GOLM2: variants seen among roughly 807,000 people sequenced by gnomAD.
GOLM2 encodes golgi membrane protein 2, also known as protein GOLM2.
GOLM2 carries 26 observed loss-of-function variants against 55.9 expected under a neutral mutation model. The observed-to-expected ratio is 0.47, with a 90% CI of 0.34 to 0.65. The LOEUF (loss-of-function observed/expected upper bound fraction) is 0.65. Ranked by LOEUF, GOLM2 falls within the 30% of genes least tolerant of loss-of-function variation. The pLI is 0.01. For synonymous variants in GOLM2, 165 were observed against 194.6 expected, an observed-to-expected ratio of 0.85 and a Z score of 1.27; for missense variants, 486 against 531.8, an observed-to-expected ratio of 0.91 and a Z score of 0.85.
intron 6 of GOLM2, among the ~76,000 whole-genome samples, chr15:44,347,658 A>G (rs776175993): frequency 2.5e-4 from 38 of 152,170 alleles, no homozygotes; most frequent in Non-Finnish European, 5.0e-4. Flanking sequence ...GGCAAGTACT[A>G]GAGTAGTGCT....
At chr15:44,391,927 C>T (rs8028622) in intron 8 of GOLM2, among the ~76,000 whole-genome samples, 12 of 151,894 alleles carry the variant, frequency 7.9e-5, no homozygotes, top group African/African-American at 2.2e-4. Flanking sequence ...CTCAGCTCAC[C>T]GCAACCTCTG....
intron 4 of GOLM2, among the ~76,000 whole-genome samples, chr15:44,335,916 G>A (rs949614843): frequency 6.0e-5 from 9 of 150,354 alleles, no homozygotes; most frequent in African/African-American, 2.2e-4. Context: ...CCGGGTTCAA[G>A]CGATTCTCCT....
At chr15:44,292,202 T>TA (rs1491250115) in intron 1 of GOLM2, among the ~76,000 whole-genome samples, 2,309 of 113,040 alleles carry the variant, frequency 0.02, 41 homozygotes, top group African/African-American at 0.095. Flanking sequence ...TATATATATA[T>TA]TTTTTTTTTT....
chr15:44,365,422 G>A (rs1375838550), intron 6 of GOLM2, among the ~76,000 whole-genome samples: 1 of 152,048 alleles, frequency 6.6e-6, no homozygotes, highest in Non-Finnish European at 1.5e-5. Flanking sequence ...AGCTACCCAG[G>A]ACGCTGAGGT....
At chr15:44,321,467 CAA>C (rs35260808) in intron 1 of GOLM2, among the ~76,000 whole-genome samples, 928 of 32,620 alleles carry the variant, frequency 0.028, 7 homozygotes, top group African/African-American at 0.046. Flanking sequence ...GAACATGTCT[CAA>C]AAAAAAAAAA....
At chr15:44,403,125 A>G in intron 9 of GOLM2, 71 bp downstream of exon 9, 1 of 1,565,026 alleles carries the variant, frequency 6.4e-7, no homozygotes, top group Non-Finnish European at 8.8e-7. Context: ...GAATTTGTGT[A>G]GAATTTCCCC....
chr15:44,338,200 A>G (rs759539848), intron 5 of GOLM2, 37 bp from the exon 6 acceptor site: 1 of 1,579,112 alleles, frequency 6.3e-7, no homozygotes, highest in Non-Finnish European at 8.7e-7. Flanking sequence ...TTATGTAAGA[A>G]AAACGATAGA....
intron 7 of GOLM2, 45 bp downstream of exon 7, chr15:44,379,833 A>G (rs2079390550): frequency 9.5e-7 from 1 of 1,048,198 alleles, no homozygotes; most frequent in East Asian, 2.4e-5. Context: ...CCAACTTACT[A>G]GTCATGTACA....
At chr15:44,310,854 T>C (rs1391498570) in intron 1 of GOLM2, among the ~76,000 whole-genome samples, 1 of 151,934 alleles carries the variant, frequency 6.6e-6, no homozygotes, top group East Asian at 1.9e-4. Context: ...CCATATCTAC[T>C]AAAAATACAA....
Position 44,413,618 on chromosome 15 carries a change from G to C in GOLM2, c.*212G>C, listed in dbSNP as rs117511094. The C allele has an allele frequency of 6.9e-6, 3 of 433,238 alleles. No homozygotes were observed. The highest frequency in any genetic ancestry group is 1.3e-5 in the Non-Finnish European group (3 of 239,520). 26.8% of individuals were successfully genotyped at this position (433,238 alleles called of 1,614,324 possible). On this transcript the variant is annotated 3_prime_UTR_variant, in exon 10 of 10. Coordinates refer to ENST00000299957, the MANE Select transcript of GOLM2 (RefSeq NM_138423.4). ...TCAAGGTATAGACTTTTTTGGTTAT[G>C]ATACAGTTAAGCCAAAAACAGCTAA...
chr15:44,401,203 C>T (rs1338770935), intron 8 of GOLM2, among the ~76,000 whole-genome samples: 1 of 152,096 alleles, frequency 6.6e-6, no homozygotes, highest in Non-Finnish European at 1.5e-5. Flanking sequence ...CCTCAAACTC[C>T]TGACCTCAAA....
At chr15:44,382,006 T>C (rs1046246318) in intron 8 of GOLM2, 1 of 152,168 alleles carries the variant, frequency 6.6e-6, no homozygotes, top group Non-Finnish European at 1.5e-5. Flanking sequence ...TATTCATATA[T>C]GTGAATGTAT....
chr15:44,323,818 T>C (rs2078966249), intron 2 of GOLM2, among the ~76,000 whole-genome samples: 1 of 152,358 alleles, frequency 6.6e-6, no homozygotes, highest in South Asian at 2.1e-4. Context: ...TCTATTTTTA[T>C]TGTCCTCTCG....
intron 6 of GOLM2, among the ~76,000 whole-genome samples, chr15:44,362,083 TATC>T (rs1361112344): frequency 5.3e-5 from 8 of 151,350 alleles, no homozygotes; most frequent in Non-Finnish European, 1.2e-4. Context: ...CCACAGCCAA[TATC>T]ATACTGAATG....
At chr15:44,368,802 T>C (rs2079303849) in intron 6 of GOLM2, among the ~76,000 whole-genome samples, 1 of 151,192 alleles carries the variant, frequency 6.6e-6, no homozygotes, top group African/African-American at 2.4e-5. Context: ...TTTTCACAAG[T>C]GGATCACCTC....
In GOLM2 at chr15:44,338,246, A is replaced by G; in HGVS notation, c.731A>G (p.Lys244Arg). 1 of 1,613,602 alleles carries G rather than the reference A, an allele frequency of 6.2e-7. No homozygotes were observed. The highest frequency in any genetic ancestry group is 8.5e-7 in the Non-Finnish European group (1 of 1,179,680). The change falls in exon 6 of 10, where the codon AAA becomes AGA. Residue 244 changes from lysine (K) to arginine (R), a missense_variant. Coordinates refer to ENST00000299957, the MANE Select transcript of GOLM2 (RefSeq NM_138423.4). ...TTTGTTACTTGGGCAGAACAAATCA[A>G]AAGAGGTGGTGATGCAGGGATGCCT... The part of the protein sequence containing the change: ...NHIPHGKEQI[K>R]RGGDAGMPGI...
intron 8 of GOLM2, among the ~76,000 whole-genome samples, chr15:44,402,468 A>C (rs1206337285): frequency 6.6e-6 from 1 of 152,122 alleles, no homozygotes; most frequent in East Asian, 1.9e-4. Flanking sequence ...CTGGGATTAC[A>C]AGTGTGGGCC....
chr15:44,379,880 A>G (rs1057502049), intron 7 of GOLM2, 92 bp downstream of exon 7: 1 of 628,824 alleles, frequency 1.6e-6, no homozygotes, highest in Non-Finnish European at 2.7e-6. Context: ...TTAGCAGTAT[A>G]GTGAAATAGC....
intron 8 of GOLM2, among the ~76,000 whole-genome samples, chr15:44,398,963 T>TG (rs139863337): frequency 0.013 from 2,022 of 152,266 alleles, 23 homozygotes; most frequent in South Asian, 0.038. Context: ...CCACCATGCC[T>TG]GGCCCCGTAA....
Sources: gnomAD v4.1 joint callset for allele counts (sites outside exome capture counted in the v4.1 genomes callset) on GRCh38, gnomAD v4.1.1 for gene constraint, MANE v1.5 for transcripts, NCBI Gene and HGNC (gene_info 2026-07-23, HGNC 2026-07-21) for gene names.